Variants in GRM7 observed in about 807,000 individuals in gnomAD.
The protein encoded by GRM7 is glutamate metabotropic receptor 7.
Under a neutral mutation model 84.5 loss-of-function variants are expected in GRM7, and 35 were observed. That is an observed-to-expected ratio of 0.41 (90% confidence interval 0.32 to 0.55). The LOEUF (loss-of-function observed/expected upper bound fraction) is 0.55, where lower values mean the gene tolerates loss of function less well. Ranked by LOEUF, GRM7 falls within the 20% of genes least tolerant of loss-of-function variation. The pLI, the probability that GRM7 is intolerant of heterozygous loss-of-function variation, is 0.19. For synonymous variants in GRM7, 487 were observed against 455.1 expected, an observed-to-expected ratio of 1.07 and a Z score of -0.89; for missense variants, 1,003 against 1,194.6, an observed-to-expected ratio of 0.84 and a Z score of 2.36.
At chr3:7,639,310 G>A (rs757702462) in intron 8 of GRM7, among the ~76,000 whole-genome samples, 7 of 152,136 alleles carry the variant, frequency 4.6e-5, no homozygotes, top group African/African-American at 7.2e-5. Context: ...TTGCCCATGC[G>A]CAGCCGCAAG....
chr3:7,551,509 T>A (rs1693473729), intron 7 of GRM7, among the ~76,000 whole-genome samples: 2 of 152,126 alleles, frequency 1.3e-5, no homozygotes, highest in Non-Finnish European at 2.9e-5. Context: ...GCAAGCTAAC[T>A]TGTTAGTGTA....
chr3:7,404,736 A>G lies in GRM7; in HGVS notation c.1034-10287A>G, dbSNP rs569614596. On this transcript the variant is annotated intron_variant, in intron 4 of 9. Coordinates refer to ENST00000357716, the MANE Select transcript of GRM7 (RefSeq NM_000844.4). ...TTGTCCATCTCTTCCAACAGGAAGC[A>G]TCTTGTTGGTCCAGTTGGAGATCAT... is the stretch of plus-strand genomic sequence containing the variant. Among the ~76,000 whole-genome samples, 27 of 152,192 alleles carry G rather than the reference A, an allele frequency of 1.8e-4. 1 individual carries two copies. The South Asian group carries it at 5.4e-3, about 30-fold the overall frequency.
intron 1 of GRM7, among the ~76,000 whole-genome samples, chr3:7,058,342 T>C (rs1053096927): frequency 1.3e-5 from 2 of 151,936 alleles, no homozygotes; most frequent in African/African-American, 4.8e-5. Context: ...TTAACACAAA[T>C]ATTGTTCTAA....
chr3:7,476,187 C>G (rs980956376), intron 7 of GRM7, among the ~76,000 whole-genome samples: 7 of 152,162 alleles, frequency 4.6e-5, no homozygotes, highest in African/African-American at 9.7e-5. Flanking sequence ...CTTCATCCCC[C>G]CATCTGCAAA....
intron 2 of GRM7, among the ~76,000 whole-genome samples, chr3:7,220,778 C>G (rs1292780110): frequency 6.6e-6 from 1 of 152,092 alleles, no homozygotes; most frequent in Non-Finnish European, 1.5e-5. Flanking sequence ...AATCTGAAAC[C>G]TTCTAAAATA....
intron 6 of GRM7, among the ~76,000 whole-genome samples, chr3:7,457,639 G>A (rs1463152726): frequency 6.6e-6 from 1 of 152,182 alleles, no homozygotes; most frequent in African/African-American, 2.4e-5. Flanking sequence ...ATCAAGAGGT[G>A]AGATTTATTT....
chr3:7,236,300 A>G (rs1697346118), intron 2 of GRM7, among the ~76,000 whole-genome samples: 1 of 152,226 alleles, frequency 6.6e-6, no homozygotes, highest in Non-Finnish European at 1.5e-5. Flanking sequence ...TGTGCCAAAC[A>G]ATATTCTAAA....
intron 3 of GRM7, among the ~76,000 whole-genome samples, chr3:7,302,711 C>G (rs575444009): frequency 5.3e-5 from 8 of 151,768 alleles, no homozygotes; most frequent in African/African-American, 1.9e-4. Flanking sequence ...TGTGTAGTAT[C>G]TAGTTTGATA....
chr3:7,108,562 G>A (rs1460674173), intron 1 of GRM7, among the ~76,000 whole-genome samples: 7 of 146,792 alleles, frequency 4.8e-5, no homozygotes, highest in South Asian at 4.2e-4. Flanking sequence ...CTCTGTCATC[G>A]TACACTCTTT....
At chr3:7,351,339 G>GAAAAAAAAAAA (rs768248079) in intron 4 of GRM7, among the ~76,000 whole-genome samples, 3 of 45,904 alleles carry the variant, frequency 6.5e-5, no homozygotes, top group Non-Finnish European at 1.2e-4. Context: ...TCCCACAGGC[G>GAAAAAAAAAAA]AAAAAAAAAA....
Position 6,861,483 on chromosome 3 carries a change from C to T in GRM7, c.95C>T (p.Ala32Val). 1.3e-6 allele frequency: 2 copies of T among 1,580,910 alleles called. No individual in the cohort carries two copies. Among genetic ancestry groups the T allele is most frequent in the South Asian group, 1.2e-5 (1 of 86,272 alleles). The change falls in exon 1 of 10, where the codon GCG becomes GTG. Residue 32 changes from alanine to valine, a missense_variant. This residue lies in a region of GRM7 where 93 missense variants were observed against 68.6 expected (regional missense o/e 1.36). Coordinates refer to ENST00000357716, the MANE Select transcript of GRM7 (RefSeq NM_000844.4). This position sits in a 1 kb window ranked among gnomAD's most constrained non-coding sequence, Gnocchi z 6.4. ...EVLLCALAAAARGQEMYAPHS... is the reference protein window; with the variant it reads ...EVLLCALAAAVRGQEMYAPHS... ...CTCCTGTGCGCGCTGGCGGCGGCGG[C>T]GCGCGGCCAGGAGATGTACGCCCCG... is the stretch of plus-strand genomic sequence containing the variant.
At chr3:7,102,432 T>A (rs1699143515) in intron 1 of GRM7, among the ~76,000 whole-genome samples, 1 of 151,780 alleles carries the variant, frequency 6.6e-6, no homozygotes, top group East Asian at 1.9e-4. Flanking sequence ...AGTGCTGTTT[T>A]TCTCTGGCTG....
intron 2 of GRM7, among the ~76,000 whole-genome samples, chr3:7,148,321 G>A (rs931292613): frequency 6.6e-6 from 1 of 152,144 alleles, no homozygotes; most frequent in African/African-American, 2.4e-5. Flanking sequence ...AAGATGAAAA[G>A]AACATATGGG....
chr3:7,258,404 G>T (rs1698288174), intron 2 of GRM7, among the ~76,000 whole-genome samples: 1 of 152,066 alleles, frequency 6.6e-6, no homozygotes. Context: ...GTGTAAAGAG[G>T]TAACATTACT....
intron 8 of GRM7, among the ~76,000 whole-genome samples, chr3:7,632,725 T>G (rs1180955814): frequency 6.6e-6 from 1 of 152,236 alleles, no homozygotes; most frequent in East Asian, 1.9e-4. Context: ...AGCATAAACT[T>G]CTTACATGTA....
At chr3:7,298,499 A>G (rs1188167357) in intron 2 of GRM7, 185 bp from the exon 3 acceptor site, 1 of 559,072 alleles carries the variant, frequency 1.8e-6, no homozygotes, top group African/African-American at 1.9e-5. Context: ...TACCATGGAA[A>G]GTGCATTAGG....
At position 7,057,929 on chromosome 3, in the gene GRM7, T is replaced by G. The variant is rs9825981; in HGVS notation, c.520-88523T>G. ...AGCAAGAACATGGATTCATCAGGTA[T>G]CTAGACAGGTCATATTTTGTATAAT... On this transcript the variant is annotated intron_variant, in intron 1 of 9. Coordinates refer to ENST00000357716, the MANE Select transcript of GRM7 (RefSeq NM_000844.4). Among the ~76,000 whole-genome samples the G allele has an allele frequency of 4.5e-4, 69 of 151,894 alleles. No individual in the cohort carries two copies. In the East Asian group the frequency reaches 0.01, roughly 23 times the overall value.
chr3:7,600,320 G>A (rs142908943), intron 8 of GRM7, among the ~76,000 whole-genome samples: 4 of 152,138 alleles, frequency 2.6e-5, no homozygotes, highest in Non-Finnish European at 4.4e-5. Flanking sequence ...GAATAAATGA[G>A]ACACACACCA....
At position 7,238,884 on chromosome 3, in the gene GRM7, CTCCTT is replaced by C. The variant is rs1386413497; in HGVS notation, c.737-59787_737-59783del. Among the ~76,000 whole-genome samples the C allele has an allele frequency of 5.5e-4, 82 of 147,952 alleles. 3 individuals are homozygous for C. The highest frequency in any genetic ancestry group is 2.4e-4 in the Non-Finnish European group (16 of 67,274). Reference sequence around the variant, plus strand: ...GTTTTCTCTTCTCTTCCCTTCTTTTCTCCTTTCCTTTCCTTTCTTTTTTCTTCTCT... The same window carrying C: ...GTTTTCTCTTCTCTTCCCTTCTTTTCTCCTTTCCTTTCTTTTTTCTTCTCT... On this transcript the variant is annotated intron_variant, in intron 2 of 9. Transcript: ENST00000357716.
Sources: allele counts gnomAD v4.1 joint callset (sites outside exome capture counted in the v4.1 genomes callset), GRCh38; gene constraint gnomAD v4.1.1; regional missense constraint gnomAD v4.1.1; non-coding constraint Gnocchi (gnomAD v3.1); transcripts MANE v1.5; gene names NCBI Gene and HGNC (gene_info 2026-07-23, HGNC 2026-07-21).